NOXO1: variants seen among roughly 807,000 people sequenced by gnomAD.
The protein encoded by NOXO1 is NADPH oxidase organizer 1, also known as NADPH oxidase regulatory protein.
NOXO1 carries 38 observed loss-of-function variants against 33.3 expected under a neutral mutation model. The observed-to-expected ratio is 1.14, with a 90% CI of 0.88 to 1.50. The LOEUF (loss-of-function observed/expected upper bound fraction) is 1.50, where lower values mean the gene tolerates loss of function less well. Ranked by LOEUF, NOXO1 falls within the 40% of genes most tolerant of loss-of-function variation. The pLI is 0.00. For missense variants in NOXO1, 675 were observed against 527.1 expected, an observed-to-expected ratio of 1.28 and a Z score of -2.75; for synonymous variants, 302 against 237.3, an observed-to-expected ratio of 1.27 and a Z score of -2.51.
Position 1,978,949 on chromosome 16 carries a change from C to A in NOXO1, c.*103G>T, listed in dbSNP as rs1046127154. The stretch of plus-strand genomic sequence containing the variant: ...GAACAAGCTTTACTCAGAGGAACAG[C>A]AAATGGCCCCCTCCCATCCCTGCTG... On this transcript the variant is annotated 3_prime_UTR_variant, in exon 8 of 8. Coordinates refer to ENST00000356120, the MANE Select transcript of NOXO1 (RefSeq NM_172167.3). 28 of 1,230,306 alleles carry A rather than the reference C, an allele frequency of 2.3e-5. No individual in the cohort carries two copies. Among genetic ancestry groups the A allele is most frequent in the Non-Finnish European group, 3.0e-5 (27 of 894,802 alleles). 76.2% of individuals were successfully genotyped at this position (1,230,306 alleles called of 1,614,324 possible).
At position 1,980,384 on chromosome 16, in the gene NOXO1, G is replaced by A. The variant is rs1339455385; in HGVS notation, c.384C>T (p.Pro128=). Residue 128 remains proline, a synonymous_variant, in exon 4 of 8, where the codon CCC becomes CCT. Coordinates refer to ENST00000356120, the MANE Select transcript of NOXO1 (RefSeq NM_172167.3). The part of the protein sequence containing the change: ...FFAPQPLDLE[P]ALPPGSRVIL... ...TCAGGCACCTGCCGGGTGGCAGCGC[G>A]GGCTCCAGGTCCAGGGGTTGCGGTG... is the stretch of plus-strand genomic sequence containing the variant. The A allele has an allele frequency of 6.2e-7, 1 of 1,601,524 alleles. No homozygotes were observed. The highest frequency in any genetic ancestry group is 8.5e-7 in the Non-Finnish European group (1 of 1,179,200).
chr16:1,981,024 G>C lies in NOXO1; in HGVS notation c.67-5C>G. 1 of 1,613,334 alleles carries C rather than the reference G, an allele frequency of 6.2e-7. No homozygotes were observed. The highest frequency in any genetic ancestry group is 8.5e-7 in the Non-Finnish European group (1 of 1,179,948). ...GCGCACAGAGAAGGCAAACGTCTGG[G>C]GGACAAAAAGTTGGGAGTGCCGTGG... On this transcript the variant is annotated splice_polypyrimidine_tract_variant and splice_region_variant and intron_variant, in intron 1 of 7. Transcript: ENST00000356120.
chr16:1,980,546 T>C lies in NOXO1; in HGVS notation c.224-2A>G. ...CCACGCGTCCCAACAGTGGTGCATCTTAAGGCACCACAAAAACGTACTGTG... is the reference window on the plus strand; with the variant it reads ...CCACGCGTCCCAACAGTGGTGCATCCTAAGGCACCACAAAAACGTACTGTG... On this transcript the variant is annotated splice_acceptor_variant, in intron 3 of 7. Transcript: ENST00000356120. LOFTEE classifies it high-confidence loss of function. 6.2e-7 allele frequency: 1 copy of C among 1,601,030 alleles called. No individual in the cohort carries two copies. The highest frequency in any genetic ancestry group is 8.5e-7 in the Non-Finnish European group (1 of 1,175,348).
rs576572802 is a variant in NOXO1, at chr16:1,979,961, AGAG to A, written c.586+33_586+35del. The A allele has an allele frequency of 2.4e-3, 3,795 of 1,586,094 alleles. 10 individuals carry two copies. Among genetic ancestry groups the A allele is most frequent in the Non-Finnish European group, 2.2e-3 (2,579 of 1,166,678 alleles). ...TCGAGGCTCCCTCGGGTCCAGGAGC[AGAG>A]GAGCAAATCCCTGGGTTCTTGGGGG... On this transcript the variant is annotated intron_variant, in intron 5 of 7. Transcript: ENST00000356120.
chr16:1,980,674 C>A lies in NOXO1; in HGVS notation c.205G>T (p.Val69Phe). Reference protein sequence around the residue: ...EAGLLRRSDRVLPKLLDAPLL... With the variant: ...EAGLLRRSDRFLPKLLDAPLL... ...GCCTGACCGAGAAGCTTTGGGAGAA[C>A]GCGGTCAGATCTCCGCAGCAGGCCC... is the stretch of plus-strand genomic sequence containing the variant. The change falls in exon 3 of 8, where the codon GTT becomes TTT. Residue 69 changes from valine (V) to phenylalanine (F), a missense_variant. Transcript: ENST00000356120. 1 of 1,607,066 alleles carries A rather than the reference C, an allele frequency of 6.2e-7. No homozygotes were observed. The highest frequency in any genetic ancestry group is 8.5e-7 in the Non-Finnish European group (1 of 1,177,108).
chr16:1,981,160 G>A lies in NOXO1; in HGVS notation c.20C>T (p.Pro7Leu). 1.2e-6 allele frequency: 2 copies of A among 1,613,540 alleles called. No homozygotes were observed. Among genetic ancestry groups the A allele is most frequent in the Non-Finnish European group, 1.7e-6 (2 of 1,180,002 alleles). The change falls in exon 1 of 8, where the codon CCA becomes CTA. Residue 7 changes from proline to leucine, a missense_variant. Coordinates refer to ENST00000356120, the MANE Select transcript of NOXO1 (RefSeq NM_172167.3). ...CAGGGCTGCCCCTTGCACTGAAACTGGGTATCGGGGGCCTGCCATGGCTGT... is the reference window on the plus strand; with the variant it reads ...CAGGGCTGCCCCTTGCACTGAAACTAGGTATCGGGGGCCTGCCATGGCTGT... MAGPRY[P>L]VSVQGAALVQ...
chr16:1,981,092 T>C (rs777116034), intron 1 of NOXO1, 22 bp downstream of exon 1: 1 of 1,610,692 alleles, frequency 6.2e-7, no homozygotes, highest in South Asian at 1.1e-5. Context: ...TTGGGGCCAC[T>C]AAGGACCCAG....
Position 1,980,994 on chromosome 16 carries a change from G to A in NOXO1, c.92C>T (p.Ser31Leu). The A allele has an allele frequency of 6.2e-7, 1 of 1,613,250 alleles. No homozygotes were observed. The highest frequency in any genetic ancestry group is 1.1e-5 in the South Asian group (1 of 91,086). ...GCGCACGAAGGTGTCGCTGCCGTCT[G>A]ACCAGCGCACAGAGAAGGCAAACGT... ...LQTFAFSVRW[S>L]DGSDTFVRRS... The change falls in exon 2 of 8, where the codon TCA becomes TTA. Residue 31 changes from serine to leucine, a missense_variant. Coordinates refer to ENST00000356120, the MANE Select transcript of NOXO1 (RefSeq NM_172167.3).
Position 1,980,044 on chromosome 16 carries a change from T to C in NOXO1, c.539A>G (p.Gln180Arg). Residue 180 changes from glutamine to arginine, a missense_variant, in exon 5 of 8, where the codon CAG (glutamine) becomes CGG (arginine). Gln to Arg is a conservative substitution (Grantham distance 43, BLOSUM62 1). Transcript: ENST00000356120. ...GTCCAGGCTCTCCTGGGCCTGCGCC[T>C]GAAAAGGCCTATCCCGCGTGTCCTG... ...CTQDTRDRPF[Q>R]AQAQESLDVL... The C allele has an allele frequency of 6.2e-7, 1 of 1,606,842 alleles. No homozygotes were observed. Among genetic ancestry groups the C allele is most frequent in the Non-Finnish European group, 8.5e-7 (1 of 1,178,026 alleles).
Position 1,979,079 on chromosome 16 carries a change from A to G in NOXO1, c.1089T>C (p.Ser363=), listed in dbSNP as rs781180048. The change falls in exon 8 of 8, where the codon TCT becomes TCC. Residue 363 remains serine, a synonymous_variant. Coordinates refer to ENST00000356120, the MANE Select transcript of NOXO1 (RefSeq NM_172167.3). ...RQGRPRGCVD[S]VPHPTTEQ is the part of the protein sequence containing the mutation. ...ACTGCTCCGTCGTGGGGTGCGGCACAGAGTCCACGCACCCTCGAGGGCGGC... is the reference window on the plus strand; with the variant it reads ...ACTGCTCCGTCGTGGGGTGCGGCACGGAGTCCACGCACCCTCGAGGGCGGC... 1.3e-6 allele frequency: 2 copies of G among 1,536,040 alleles called. No individual in the cohort carries two copies. Among genetic ancestry groups the G allele is most frequent in the Non-Finnish European group, 1.7e-6 (2 of 1,153,658 alleles).
intron 7 of NOXO1, 26 bp from the exon 8 acceptor site, chr16:1,979,375 G>A (rs765267561): frequency 6.3e-6 from 10 of 1,586,490 alleles, no homozygotes; most frequent in Non-Finnish European, 8.5e-6. Context: ...TGTGGTTAGG[G>A]CCCCGCCCGC....
At position 1,979,364 on chromosome 16, in the gene NOXO1, G is replaced by A. The variant is rs753919280; in HGVS notation, c.819-15C>T. ...GGTCGCCGTACCTGCGAGGGGCGGG[G>A]TGTGGTTAGGGCCCCGCCCGCCTCG... On this transcript the variant is annotated splice_polypyrimidine_tract_variant and intron_variant, in intron 7 of 7. Transcript: ENST00000356120. 38 of 1,585,930 alleles carry A rather than the reference G, an allele frequency of 2.4e-5. No homozygotes were observed. The highest frequency in any genetic ancestry group is 3.2e-5 in the Non-Finnish European group (38 of 1,172,662).
At chr16:1,979,705 C>T in intron 6 of NOXO1, 85 bp downstream of exon 6, 2 of 1,258,714 alleles carry the variant, frequency 1.6e-6, no homozygotes, top group Non-Finnish European at 2.2e-6. Flanking sequence ...GGCTCCTGGC[C>T]CGCCCTGCCC....
chr16:1,979,825 T>G lies in NOXO1; in HGVS notation c.665A>C (p.Gln222Pro), dbSNP rs1417107839. 8 of 1,569,306 alleles carry G rather than the reference T, an allele frequency of 5.1e-6. No individual in the cohort carries two copies. The highest frequency in any genetic ancestry group is 6.9e-6 in the Non-Finnish European group (8 of 1,158,936). ...TAGGGACGGGCCTCCCTCCCGGCCT[T>G]GGCCCGGGGCCGCCTCCTCCAGGTA... ...APYLEEAAPG[Q>P]GREGGPSLGS... Residue 222 changes from glutamine to proline, a missense_variant, in exon 6 of 8, where the codon CAA becomes CCA. Physicochemically the swap from Gln to Pro is moderately conservative, Grantham distance 76. Coordinates refer to ENST00000356120, the MANE Select transcript of NOXO1 (RefSeq NM_172167.3).
At chr16:1,980,801 A>T in intron 2 of NOXO1, 70 bp from the exon 3 acceptor site, 1 of 1,504,338 alleles carries the variant, frequency 6.6e-7, no homozygotes. Flanking sequence ...GGGGTCCCTC[A>T]CCCGGATGGC....
rs757117596 is a variant in NOXO1, at chr16:1,979,982, C to T, written c.586+15G>A. On this transcript the variant is annotated intron_variant, in intron 5 of 7. Coordinates refer to ENST00000356120, the MANE Select transcript of NOXO1 (RefSeq NM_172167.3). ...GAGCAGAGGAGCAAATCCCTGGGTT[C>T]TTGGGGGGCCCTACCTGAGGGGTGC... 1.9e-6 allele frequency: 3 copies of T among 1,596,102 alleles called. No individual in the cohort carries two copies. The African/African-American group carries it at 4.0e-5, about 21-fold the overall frequency.
rs967000332 is a variant in NOXO1 at position 1,980,470 on chromosome 16, G to A, written c.298C>T (p.Arg100Trp). The A allele has an allele frequency of 1.7e-5, 27 of 1,602,106 alleles. No individual in the cohort carries two copies. The highest frequency in any genetic ancestry group is 2.1e-5 in the Non-Finnish European group (25 of 1,179,846). The change falls in exon 4 of 8, where the codon CGG (arginine) becomes TGG (tryptophan). Residue 100 changes from arginine to tryptophan, a missense_variant. Arg to Trp is a moderately radical substitution (Grantham distance 101). Coordinates refer to ENST00000356120, the MANE Select transcript of NOXO1 (RefSeq NM_172167.3). ...CGCTCTGCAGTCGCCAGCAGCCTCC[G>A]AGAATAGGTTTCCAACAGCTGCAGG... ...ARLQLLETYS[R>W]RLLATAERVA...
chr16:1,978,981 G>A lies in NOXO1; in HGVS notation c.*71C>T, dbSNP rs1259026758. On this transcript the variant is annotated 3_prime_UTR_variant, in exon 8 of 8. Coordinates refer to ENST00000356120, the MANE Select transcript of NOXO1 (RefSeq NM_172167.3). ...CCCCCTCCCATCCCTGCTGGCCAGG[G>A]AGATCCGCCCTCCCCGCTCCTCCCC... 2.1e-6 allele frequency: 3 copies of A among 1,413,256 alleles called. No individual in the cohort carries two copies. The highest frequency in any genetic ancestry group is 2.8e-6 in the Non-Finnish European group (3 of 1,059,484). The allele number at this position is 1,413,256 out of a possible 1,614,324, so 87.5% of individuals were successfully genotyped here. A position where few individuals can be genotyped will look rare whatever the true frequency, so the allele number is the denominator to read the frequency against.
Position 1,980,697 on chromosome 16 carries a change from C to A in NOXO1, c.182G>T (p.Gly61Val), listed in dbSNP as rs1250483189. 6.2e-7 allele frequency: 1 copy of A among 1,606,222 alleles called. No homozygotes were observed. Among genetic ancestry groups the A allele is most frequent in the Admixed American group, 1.7e-5 (1 of 59,180 alleles). Residue 61 changes from glycine to valine, a missense_variant, in exon 3 of 8, where the codon GGC (glycine) becomes GTC (valine). Gly to Val is a moderately radical substitution (Grantham distance 109). Coordinates refer to ENST00000356120, the MANE Select transcript of NOXO1 (RefSeq NM_172167.3). ...TLKETFPVEA[G>V]LLRRSDRVLP... ...AACGCGGTCAGATCTCCGCAGCAGGCCCGCCTCCACCGGGAAGGTCTCCTT... is the reference window on the plus strand; with the variant it reads ...AACGCGGTCAGATCTCCGCAGCAGGACCGCCTCCACCGGGAAGGTCTCCTT...
Sources: allele counts gnomAD v4.1 joint callset, GRCh38; gene constraint gnomAD v4.1.1; transcripts MANE v1.5; gene names NCBI Gene and HGNC (gene_info 2026-07-23, HGNC 2026-07-21).